Variants in NDUFS4 observed in about 807,000 individuals in gnomAD.
NDUFS4 encodes NADH:ubiquinone oxidoreductase subunit S4.
In NDUFS4, 28 loss-of-function variants were observed where a neutral mutation model predicts 24.3. The observed-to-expected ratio is 1.15, with a 90% confidence interval of 0.85 to 1.58. The LOEUF (loss-of-function observed/expected upper bound fraction) is 1.58. NDUFS4 is among the 40% of genes most tolerant of loss of function. The pLI, the probability that NDUFS4 is intolerant of heterozygous loss-of-function variation, is 0.00. For missense variants in NDUFS4, 223 were observed against 207.9 expected (o/e 1.07, Z -0.45); for synonymous variants, 93 against 69.7 (o/e 1.34, Z -1.67).
At chr5:53,679,463 A>T (rs1740582222) in intron 4 of NDUFS4, among the ~76,000 whole-genome samples, 3 of 152,154 alleles carry the variant, frequency 2.0e-5, no homozygotes, top group Admixed American at 1.3e-4. Flanking sequence ...AATTCCCAGG[A>T]GCCAGCTCAC....
chr5:53,571,517 T>C (rs752456743), intron 1 of NDUFS4, among the ~76,000 whole-genome samples: 1 of 152,238 alleles, frequency 6.6e-6, no homozygotes, highest in Non-Finnish European at 1.5e-5. Flanking sequence ...TGTCAACATA[T>C]GTTTTTATTG....
At chr5:53,651,019 CT>C (rs1460940023) in intron 3 of NDUFS4, among the ~76,000 whole-genome samples, 1 of 152,036 alleles carries the variant, frequency 6.6e-6, no homozygotes, top group East Asian at 1.9e-4. Flanking sequence ...AGGTAAAGTT[CT>C]TTTTCAAAAC....
intron 4 of NDUFS4, among the ~76,000 whole-genome samples, chr5:53,663,388 T>A (rs1051974909): frequency 6.6e-5 from 10 of 152,198 alleles, no homozygotes; most frequent in African/African-American, 2.4e-4. Context: ...GGTATCCTTG[T>A]TAACTTCCTG....
At chr5:53,649,719 G>T (rs552424536) in intron 3 of NDUFS4, among the ~76,000 whole-genome samples, 2 of 152,214 alleles carry the variant, frequency 1.3e-5, no homozygotes, top group East Asian at 3.9e-4. Flanking sequence ...TAGGTCAAAT[G>T]GTAGTTCTGT....
intron 2 of NDUFS4, among the ~76,000 whole-genome samples, chr5:53,627,888 G>A (rs571906306): frequency 2.1e-4 from 32 of 152,164 alleles, no homozygotes; most frequent in African/African-American, 3.6e-4. Context: ...TCTCTTGCCC[G>A]ATTGCCCTGA....
chr5:53,631,891 G>A (rs568370824), intron 2 of NDUFS4, among the ~76,000 whole-genome samples: 106 of 152,286 alleles, frequency 7.0e-4, no homozygotes, highest in African/African-American at 2.4e-3. Context: ...ATGGGAAAAA[G>A]CACAGTATCT....
intron 2 of NDUFS4, among the ~76,000 whole-genome samples, chr5:53,614,228 GATAA>G (rs764743911): frequency 7.9e-5 from 12 of 151,888 alleles, no homozygotes; most frequent in African/African-American, 2.4e-4. Context: ...AAATTCTTTA[GATAA>G]ATAAAATTCT....
intron 1 of NDUFS4, among the ~76,000 whole-genome samples, chr5:53,570,949 G>A (rs574571879): frequency 1.1e-4 from 16 of 152,070 alleles, no homozygotes; most frequent in East Asian, 5.8e-4. Flanking sequence ...CTCCCAAAGC[G>A]CTGGAATTAC....
Position 53,683,207 on chromosome 5 carries a change from G to A in NDUFS4, c.514G>A (p.Val172Ile), listed in dbSNP as rs200796398. The change falls in exon 5 of 5, where the codon GTA becomes ATA. Residue 172 changes from valine to isoleucine, a missense_variant. Coordinates refer to ENST00000296684, the MANE Select transcript of NDUFS4 (RefSeq NM_002495.4). Reference sequence around the variant, plus strand: ...CTTTTCTTGGAACAAAAGAACAAGAGTATCCACAAAATAGGTTGGCACTGA... The same window carrying A: ...CTTTTCTTGGAACAAAAGAACAAGAATATCCACAAAATAGGTTGGCACTGA... ...ANFSWNKRTR[V>I]STK 2 of 1,607,920 alleles carry A rather than the reference G, an allele frequency of 1.2e-6. No homozygotes were observed. The highest frequency in any genetic ancestry group is 1.1e-5 in the South Asian group (1 of 90,952).
chr5:53,619,621 A>T (rs1750968913), intron 2 of NDUFS4, among the ~76,000 whole-genome samples: 1 of 152,126 alleles, frequency 6.6e-6, no homozygotes, highest in African/African-American at 2.4e-5. Flanking sequence ...GAAATGAAGA[A>T]AGCATAATGA....
rs70983366 is a variant in NDUFS4 at position 53,619,486 on chromosome 5, C to CAAAA, written c.177+15975_177+15978dup. On this transcript the variant is annotated intron_variant, in intron 2 of 4. Coordinates refer to ENST00000296684, the MANE Select transcript of NDUFS4 (RefSeq NM_002495.4). ...TGGGTGACACAGCAAGACTCTGTCT[C>CAAAA]AAAAAAAAAAAAAAAAAAAAAACAC... Among the ~76,000 whole-genome samples, 170 of 48,576 alleles carry CAAAA rather than the reference C, an allele frequency of 3.5e-3. 3 individuals carry two copies. The highest frequency in any genetic ancestry group is 5.8e-3 in the East Asian group (9 of 1,564). The allele number at this position is 48,576 out of a possible 152,430, so 31.9% of individuals were successfully genotyped here.
chr5:53,658,492 A>C, intron 3 of NDUFS4, 59 bp from the exon 4 acceptor site: 1 of 1,152,128 alleles, frequency 8.7e-7, no homozygotes, highest in Non-Finnish European at 1.3e-6. Context: ...TTAAATATTG[A>C]TTTTGTTTCT....
intron 2 of NDUFS4, among the ~76,000 whole-genome samples, chr5:53,644,160 G>C (rs1279788579): frequency 6.6e-6 from 1 of 152,020 alleles, no homozygotes; most frequent in Non-Finnish European, 1.5e-5. Flanking sequence ...TGGCATATAT[G>C]CATCACAGTA....
intron 2 of NDUFS4, among the ~76,000 whole-genome samples, chr5:53,605,306 A>G (rs1409113538): frequency 6.6e-6 from 1 of 152,194 alleles, no homozygotes; most frequent in Non-Finnish European, 1.5e-5. Flanking sequence ...TAATGAGAGC[A>G]CTATTATTTT....
chr5:53,653,622 C>T (rs1019290357), intron 3 of NDUFS4, among the ~76,000 whole-genome samples: 1 of 152,062 alleles, frequency 6.6e-6, no homozygotes, highest in Non-Finnish European at 1.5e-5. Flanking sequence ...ACCAGTTACT[C>T]CTTTTCCTCC....
chr5:53,600,134 G>T (rs968520367), intron 1 of NDUFS4, among the ~76,000 whole-genome samples: 1 of 151,720 alleles, frequency 6.6e-6, no homozygotes, highest in Admixed American at 6.6e-5. Flanking sequence ...CGAGTAGCTG[G>T]GGTTACAGGC....
chr5:53,570,584 C>T (rs572015727), intron 1 of NDUFS4, among the ~76,000 whole-genome samples: 30 of 151,986 alleles, frequency 2.0e-4, no homozygotes, highest in African/African-American at 3.6e-4. Flanking sequence ...ACTCTCAGAC[C>T]GTTTTCCAGA....
intron 4 of NDUFS4, among the ~76,000 whole-genome samples, chr5:53,663,769 G>A (rs1459355246): frequency 6.6e-6 from 1 of 152,074 alleles, no homozygotes; most frequent in Admixed American, 6.5e-5. Context: ...ACACTGATGG[G>A]TCCTGACTCT....
chr5:53,583,551 G>T (rs6860913), intron 1 of NDUFS4, among the ~76,000 whole-genome samples: 65,650 of 151,976 alleles, frequency 0.43, 14,818 homozygotes, highest in Admixed American at 0.51. Context: ...CCCAGACTTT[G>T]GAAATAGAAG....
Sources: gnomAD v4.1 joint callset for allele counts (sites outside exome capture counted in the v4.1 genomes callset) on GRCh38, gnomAD v4.1.1 for gene constraint, MANE v1.5 for transcripts, NCBI Gene and HGNC (gene_info 2026-07-23, HGNC 2026-07-21) for gene names.